ROR1: variants seen among roughly 807,000 people sequenced by gnomAD.
ROR1 encodes the protein ROR family WNT receptor 1.
A neutral mutation model predicts 78.8 loss-of-function variants in ROR1; 19 were observed. That is an observed-to-expected ratio of 0.24 (90% confidence interval 0.17 to 0.35). ROR1 has a LOEUF of 0.35. Among genes scored for constraint, ROR1 ranks in the 10% least tolerant of loss-of-function variants. The pLI, the probability that ROR1 is intolerant of heterozygous loss-of-function variation, is 1.00. For synonymous variants in ROR1, 386 were observed against 433.6 expected (o/e 0.89, Z 1.36); for missense variants, 917 against 1,177.8 (o/e 0.78, Z 3.24).
At chr1:64,069,422 T>G (rs966358018) in intron 4 of ROR1, among the ~76,000 whole-genome samples, 7 of 152,100 alleles carry the variant, frequency 4.6e-5, no homozygotes, top group African/African-American at 1.7e-4. Flanking sequence ...CAATTTTCTG[T>G]TTAGGGCTAA....
At chr1:64,075,100 C>T (rs1283137131) in intron 4 of ROR1, among the ~76,000 whole-genome samples, 1 of 152,188 alleles carries the variant, frequency 6.6e-6, no homozygotes, top group Non-Finnish European at 1.5e-5. Context: ...GTAACCTTGT[C>T]ATTCCTGTGC....
At chr1:63,845,137 C>T (rs939499994) in intron 1 of ROR1, among the ~76,000 whole-genome samples, 2 of 152,012 alleles carry the variant, frequency 1.3e-5, no homozygotes, top group African/African-American at 4.8e-5. Flanking sequence ...TGTTTAATGT[C>T]ATGCTTTTGA....
At chr1:63,933,226 G>A (rs1645768152) in intron 1 of ROR1, among the ~76,000 whole-genome samples, 1 of 152,180 alleles carries the variant, frequency 6.6e-6, no homozygotes, top group Non-Finnish European at 1.5e-5. Context: ...GGTGCCTGCT[G>A]CATCTTATAG....
chr1:63,958,079 C>A (rs1170282980), intron 1 of ROR1, among the ~76,000 whole-genome samples: 1 of 152,136 alleles, frequency 6.6e-6, no homozygotes, highest in Non-Finnish European at 1.5e-5. Flanking sequence ...GCAGCACTTA[C>A]CACAATTCCT....
chr1:64,123,463 C>T (rs1648612829), intron 4 of ROR1, among the ~76,000 whole-genome samples: 2 of 152,162 alleles, frequency 1.3e-5, no homozygotes, highest in Admixed American at 1.3e-4. Context: ...AAATTTGAAT[C>T]CCATTTTTGC....
intron 6 of ROR1, 63 bp from the exon 7 acceptor site, chr1:64,142,342 G>C: frequency 6.3e-7 from 1 of 1,594,670 alleles, no homozygotes; most frequent in Admixed American, 1.7e-5. Context: ...CTGCTGGCTA[G>C]AGGAGAGCTC....
intron 1 of ROR1, among the ~76,000 whole-genome samples, chr1:63,846,185 A>C (rs1645080306): frequency 6.8e-6 from 1 of 147,338 alleles, no homozygotes; most frequent in Non-Finnish European, 1.5e-5. Context: ...AGAAATCAGC[A>C]GCTGTGGTTC....
At chr1:64,142,807 T>G (rs1649362858) in intron 7 of ROR1, 157 bp downstream of exon 7, 1 of 1,439,846 alleles carries the variant, frequency 6.9e-7, no homozygotes, top group Admixed American at 2.8e-5. Context: ...CGTTTCTACA[T>G]AAAACACCTC....
In ROR1 at chr1:64,104,590, C is replaced by T. The variant is rs558715114; in HGVS notation, c.483-32779C>T. On this transcript the variant is annotated intron_variant, in intron 4 of 8. Coordinates refer to ENST00000371079, the MANE Select transcript of ROR1 (RefSeq NM_005012.4). ...TGGTGGTTTGCTGCACCTATTGACCCGTCCTCTAAGTTCCCTCCCCTCACC... is the reference window on the plus strand; with the variant it reads ...TGGTGGTTTGCTGCACCTATTGACCTGTCCTCTAAGTTCCCTCCCCTCACC... Among the ~76,000 whole-genome samples, 7 of 152,100 alleles carry T rather than the reference C, an allele frequency of 4.6e-5. No individual in the cohort carries two copies. The South Asian group carries it at 6.2e-4, about 14-fold the overall frequency.
intron 1 of ROR1, among the ~76,000 whole-genome samples, chr1:63,896,591 C>T (rs1645441607): frequency 6.6e-6 from 1 of 152,112 alleles, no homozygotes; most frequent in African/African-American, 2.4e-5. Flanking sequence ...AATGTAATCA[C>T]AGTAAGATGG....
intron 1 of ROR1, among the ~76,000 whole-genome samples, chr1:63,983,950 T>TA: frequency 6.6e-6 from 1 of 152,294 alleles, no homozygotes; most frequent in South Asian, 2.1e-4. Flanking sequence ...AGTGAGTACT[T>TA]ACTAAATGTT....
intron 1 of ROR1, among the ~76,000 whole-genome samples, chr1:63,798,337 G>A (rs895221037): frequency 1.3e-5 from 2 of 151,910 alleles, no homozygotes; most frequent in African/African-American, 2.4e-5. Context: ...TTTTGCACTG[G>A]GCCCATCAAC....
intron 1 of ROR1, among the ~76,000 whole-genome samples, chr1:63,809,497 C>T (rs1436338604): frequency 1.3e-5 from 2 of 152,134 alleles, no homozygotes; most frequent in Admixed American, 6.5e-5. Context: ...TCTTGTGTAT[C>T]ATATATACAT....
intron 1 of ROR1, among the ~76,000 whole-genome samples, chr1:63,878,743 C>T (rs1165863685): frequency 2.0e-5 from 3 of 152,094 alleles, no homozygotes; most frequent in African/African-American, 7.2e-5. Flanking sequence ...TACTCTCATC[C>T]AGGGCATTCA....
intron 2 of ROR1, among the ~76,000 whole-genome samples, chr1:64,040,153 A>G (rs1646734555): frequency 6.6e-6 from 1 of 152,220 alleles, no homozygotes; most frequent in South Asian, 2.1e-4. Context: ...CCTAGCATTC[A>G]GCTAAAGATG....
chr1:64,108,071 TGTGTGTGTG>T lies in ROR1; in HGVS notation c.483-29297_483-29289del, dbSNP rs1647903696. The stretch of plus-strand genomic sequence containing the variant: ...TTTTTGTTTTCTTGTTGTGTGTGTG[TGTGTGTGTG>T]TGTGTGTGTGTGTGTGTGTTTAAAT... On this transcript the variant is annotated intron_variant, in intron 4 of 8. Coordinates refer to ENST00000371079, the MANE Select transcript of ROR1 (RefSeq NM_005012.4). 1.4e-3 allele frequency among the ~76,000 whole-genome samples: 133 copies of T among 97,644 alleles called. 1 individual carries two copies. Among genetic ancestry groups the T allele is most frequent in the African/African-American group, 5.1e-3 (126 of 24,524 alleles). The allele number at this position is 97,644 out of a possible 152,430, so 64.1% of individuals were successfully genotyped here.
At chr1:64,131,281 T>C (rs1648902379) in intron 4 of ROR1, among the ~76,000 whole-genome samples, 1 of 152,184 alleles carries the variant, frequency 6.6e-6, no homozygotes, top group African/African-American at 2.4e-5. Flanking sequence ...GGTGTTGGGC[T>C]ATTTATTTCA....
chr1:63,864,796 CT>C lies in ROR1; in HGVS notation c.91+90300del, dbSNP rs757581149. On this transcript the variant is annotated intron_variant, in intron 1 of 8. Transcript: ENST00000371079. ...TTTGAAGCTTTCCAAATCTTTCAAT[CT>C]TTTTTTTTTTTGCCTCCAAATTTTG... Among the ~76,000 whole-genome samples the C allele has an allele frequency of 2.2e-3, 307 of 137,766 alleles. 2 individuals are homozygous for C. Among genetic ancestry groups the C allele is most frequent in the Middle Eastern group, 3.8e-3 (1 of 262 alleles). 90.4% of individuals were successfully genotyped at this position (137,766 alleles called of 152,430 possible). A position where few individuals can be genotyped will look rare whatever the true frequency, so the allele number is the denominator to read the frequency against.
At chr1:64,114,206 T>C (rs1035013700) in intron 4 of ROR1, among the ~76,000 whole-genome samples, 33 of 152,158 alleles carry the variant, frequency 2.2e-4, no homozygotes, top group African/African-American at 7.5e-4. Context: ...TGCTGCCCTC[T>C]TAGAGCTGCT....
Sources: allele counts gnomAD v4.1 joint callset (sites outside exome capture counted in the v4.1 genomes callset), GRCh38; gene constraint gnomAD v4.1.1; transcripts MANE v1.5; gene names NCBI Gene and HGNC (gene_info 2026-07-23, HGNC 2026-07-21).